HGSNAT: variants seen among roughly 807,000 people sequenced by gnomAD.
HGSNAT encodes the protein transmembrane protein 76.
In HGSNAT, 59 loss-of-function variants were observed where a neutral mutation model predicts 85.2. The ratio of observed to expected loss-of-function variants is 0.69; its 90% confidence interval spans 0.56 to 0.86. The LOEUF (loss-of-function observed/expected upper bound fraction) is 0.86. Ranked by LOEUF, HGSNAT falls within the 40% of genes least tolerant of loss-of-function variation. The probability of loss-of-function intolerance (pLI) is 0.00; values close to 1 mark genes in which losing one functional copy is unlikely to be tolerated. For missense variants in HGSNAT, 756 were observed against 777.1 expected, an observed-to-expected ratio of 0.97 and a Z score of 0.32; for synonymous variants, 321 against 304.5, an observed-to-expected ratio of 1.05 and a Z score of -0.56.
At chr8:43,146,725 G>A (rs1331005403) in intron 1 of HGSNAT, among the ~76,000 whole-genome samples, 3 of 151,732 alleles carry the variant, frequency 2.0e-5, no homozygotes, top group African/African-American at 4.9e-5. Context: ...AAGGAGACCT[G>A]TGTGTGTGCA....
chr8:43,170,869 A>G (rs1372841199), intron 7 of HGSNAT, among the ~76,000 whole-genome samples, 175 bp downstream of exon 7: 2 of 152,246 alleles, frequency 1.3e-5, no homozygotes, highest in Non-Finnish European at 2.9e-5. Context: ...GAAGACCATC[A>G]TGATCCTCAG....
intron 11 of HGSNAT, among the ~76,000 whole-genome samples, chr8:43,185,330 T>G (rs934866603): frequency 3.3e-5 from 5 of 152,242 alleles, no homozygotes; most frequent in African/African-American, 1.2e-4. Flanking sequence ...TGGTTTGTAG[T>G]TCTCCTTGAG....
At chr8:43,146,735 A>G (rs1247958440) in intron 1 of HGSNAT, among the ~76,000 whole-genome samples, 1 of 151,716 alleles carries the variant, frequency 6.6e-6, no homozygotes, top group Non-Finnish European at 1.5e-5. Flanking sequence ...GTGTGTGTGC[A>G]CATGCATGCA....
At chr8:43,163,853 G>C (rs759870158) in intron 5 of HGSNAT, among the ~76,000 whole-genome samples, 1 of 152,148 alleles carries the variant, frequency 6.6e-6, no homozygotes, top group Non-Finnish European at 1.5e-5. Flanking sequence ...CATTTTACAT[G>C]TGATGGTGAT....
chr8:43,175,720 C>G (rs1438530016), intron 9 of HGSNAT, among the ~76,000 whole-genome samples: 1 of 151,576 alleles, frequency 6.6e-6, no homozygotes, highest in Non-Finnish European at 1.5e-5. Context: ...TGCGCACCAC[C>G]ACACCTGGCT....
chr8:43,163,389 TG>T (rs1336362752), intron 5 of HGSNAT, among the ~76,000 whole-genome samples: 1 of 152,036 alleles, frequency 6.6e-6, no homozygotes, highest in African/African-American at 2.4e-5. Flanking sequence ...CAGATGACTG[TG>T]AGCCAAAAAA....
chr8:43,179,565 C>T (rs1220956797), intron 10 of HGSNAT, among the ~76,000 whole-genome samples: 6 of 120,214 alleles, frequency 5.0e-5, no homozygotes, highest in Admixed American at 3.1e-4. Flanking sequence ...CCGGACGGGG[C>T]GGCTGGCCGG....
intron 2 of HGSNAT, among the ~76,000 whole-genome samples, chr8:43,152,788 G>C (rs1467622759): frequency 1.3e-5 from 2 of 151,978 alleles, no homozygotes; most frequent in African/African-American, 2.4e-5. Context: ...AAAAATAAAG[G>C]TTAAGTGGAG....
rs944725653 is a variant in HGSNAT, at chr8:43,196,054, T to G, written c.1465-894T>G. On this transcript the variant is annotated intron_variant, in intron 14 of 17. Transcript: ENST00000379644. The stretch of plus-strand genomic sequence containing the variant: ...TAGATCACTGGAGCGGTCAGTCCAG[T>G]GGGGAGGCTAGGAGTGCAGACCTGG... 1.3e-5 allele frequency: 3 copies of G among 228,230 alleles called. No homozygotes were observed. In the Admixed American group the frequency reaches 1.6e-4, roughly 12 times the overall value. 14.1% of individuals were successfully genotyped at this position (228,230 alleles called of 1,614,324 possible).
chr8:43,147,384 AG>A (rs758161312), intron 2 of HGSNAT, among the ~76,000 whole-genome samples: 22 of 152,278 alleles, frequency 1.4e-4, no homozygotes, highest in Non-Finnish European at 2.5e-4. Flanking sequence ...GTGAGACACC[AG>A]GGTATTCTCC....
chr8:43,193,782 A>G lies in HGSNAT; in HGVS notation c.1403A>G (p.Tyr468Cys), dbSNP rs370314091. The G allele has an allele frequency of 7.4e-6, 12 of 1,613,620 alleles. No individual in the cohort carries two copies. Among genetic ancestry groups the G allele is most frequent in the Admixed American group, 3.3e-5 (2 of 59,992 alleles). ...SAVLYHTEVAYDPEGILGTIN... is the reference protein window; with the variant it reads ...SAVLYHTEVACDPEGILGTIN... ...GTACTTTACCACACCGAGGTGGCCT[A>G]TGACCCCGAGGGCATCCTGGGCACC... The change falls in exon 14 of 18, where the codon TAT becomes TGT. Residue 468 changes from tyrosine (Y) to cysteine (C), a missense_variant. Physicochemically the swap from Tyr to Cys is radical, Grantham distance 194. Coordinates refer to ENST00000379644, the MANE Select transcript of HGSNAT (RefSeq NM_152419.3).
intron 14 of HGSNAT, chr8:43,196,273 A>C (rs1289294723): frequency 8.4e-6 from 3 of 357,390 alleles, no homozygotes; most frequent in African/African-American, 6.4e-5. Flanking sequence ...TATTACTATA[A>C]ATTATTTTTA....
intron 2 of HGSNAT, among the ~76,000 whole-genome samples, chr8:43,152,701 C>T (rs1037502742): frequency 1.3e-5 from 2 of 152,106 alleles, no homozygotes; most frequent in African/African-American, 4.8e-5. Flanking sequence ...AAGTGATTCT[C>T]CTGCCTCGGC....
intron 1 of HGSNAT, among the ~76,000 whole-genome samples, chr8:43,140,907 C>T (rs1466960828): frequency 6.6e-6 from 1 of 152,192 alleles, no homozygotes; most frequent in Non-Finnish European, 1.5e-5. Context: ...GTCCTGGCGC[C>T]TTCCGTCTAA....
intron 2 of HGSNAT, among the ~76,000 whole-genome samples, chr8:43,156,728 C>T (rs1803107251): frequency 6.6e-6 from 1 of 152,144 alleles, no homozygotes; most frequent in African/African-American, 2.4e-5. Flanking sequence ...ACTGTTACAT[C>T]TTCCTGCTGT....
At chr8:43,154,185 T>G (rs1325800292) in intron 2 of HGSNAT, among the ~76,000 whole-genome samples, 1 of 152,172 alleles carries the variant, frequency 6.6e-6, no homozygotes, top group Admixed American at 6.5e-5. Flanking sequence ...CAAGATAGAC[T>G]TGTATTACTT....
At chr8:43,187,085 G>GTGCAAT (rs1804341684) in intron 11 of HGSNAT, among the ~76,000 whole-genome samples, 1 of 152,192 alleles carries the variant, frequency 6.6e-6, no homozygotes, top group Admixed American at 6.5e-5. Flanking sequence ...TTTGGAATAA[G>GTGCAAT]TGCAATGTGG....
intron 11 of HGSNAT, among the ~76,000 whole-genome samples, chr8:43,190,755 A>G (rs1804500180): frequency 1.3e-5 from 2 of 152,314 alleles, no homozygotes; most frequent in East Asian, 1.9e-4. Flanking sequence ...AGGTATATTG[A>G]TGTATAATTT....
intron 12 of HGSNAT, among the ~76,000 whole-genome samples, chr8:43,191,956 T>C (rs532982727): frequency 4.3e-4 from 66 of 152,192 alleles, no homozygotes; most frequent in African/African-American, 1.5e-3. Context: ...GGAGATGGAA[T>C]CTTGCTCTGT....
Sources: gnomAD v4.1 joint callset for allele counts (sites outside exome capture counted in the v4.1 genomes callset) on GRCh38, gnomAD v4.1.1 for gene constraint, MANE v1.5 for transcripts, NCBI Gene and HGNC (gene_info 2026-07-23, HGNC 2026-07-21) for gene names.